TSC2: variants seen among roughly 807,000 people sequenced by gnomAD.
TSC2 encodes tuberin.
A neutral mutation model predicts 202.2 loss-of-function variants in TSC2; 29 were observed. The ratio of observed to expected loss-of-function variants is 0.14; its 90% CI spans 0.11 to 0.20. The LOEUF (loss-of-function observed/expected upper bound fraction) is 0.20. Among genes scored for constraint, TSC2 ranks in the 10% least tolerant of loss-of-function variants. The probability of loss-of-function intolerance (pLI) is 1.00; values close to 1 mark genes in which losing one functional copy is unlikely to be tolerated. For synonymous variants in TSC2, 1,349 were observed against 1,044.0 expected, an observed-to-expected ratio of 1.29 and a Z score of -5.63; for missense variants, 2,429 against 2,420.0, an observed-to-expected ratio of 1.00 and a Z score of -0.08.
intron 9 of TSC2, among the ~76,000 whole-genome samples, chr16:2,058,320 C>G (rs1395310369): frequency 6.6e-6 from 1 of 152,242 alleles, no homozygotes; most frequent in African/African-American, 2.4e-5. Flanking sequence ...TGCCGAGTTA[C>G]TCTGTTTACT....
chr16:2,088,734 C>T lies in TSC2; in HGVS notation c.*124C>T. ...TGCAGTCAGACAGCTCTTTTATTGA[C>T]TTTGTCTGCTTGGTGCGGGGGTTGG... On this transcript the variant is annotated 3_prime_UTR_variant, in exon 42 of 42. Transcript: ENST00000219476. 2.2e-6 allele frequency: 3 copies of T among 1,334,972 alleles called. No individual in the cohort carries two copies. Among genetic ancestry groups the T allele is most frequent in the Non-Finnish European group, 1.0e-6 (1 of 980,746 alleles). The allele number at this position is 1,334,972 out of a possible 1,614,324, so 82.7% of individuals were successfully genotyped here.
intron 25 of TSC2, chr16:2,077,378 C>A (rs1316436645): frequency 4.6e-6 from 3 of 653,962 alleles, no homozygotes; most frequent in Admixed American, 2.4e-5. Context: ...TACTTGTTCT[C>A]AGTCATGTTT....
intron 3 of TSC2, among the ~76,000 whole-genome samples, chr16:2,052,037 C>A (rs1326906509): frequency 1.3e-5 from 2 of 152,120 alleles, no homozygotes; most frequent in African/African-American, 4.8e-5. Flanking sequence ...TGCACTGCAG[C>A]CTGGGCAACA....
chr16:2,048,956 A>G (rs1210466051), intron 2 of TSC2, among the ~76,000 whole-genome samples: 1 of 152,170 alleles, frequency 6.6e-6, no homozygotes, highest in Non-Finnish European at 1.5e-5. Context: ...GGCACACTTG[A>G]GTTACTATTC....
At chr16:2,062,055 A>T (rs1229163568) in intron 12 of TSC2, 47 bp downstream of exon 12, 4 of 1,612,226 alleles carry the variant, frequency 2.5e-6, no homozygotes, top group Non-Finnish European at 3.4e-6. Context: ...GCTGGTGGGG[A>T]GGGGCCGGGT....
Position 2,076,147 on chromosome 16 carries a change from G to T in TSC2, c.2719G>T (p.Asp907Tyr), listed in dbSNP as rs1287273870. The change falls in exon 24 of 42, where the codon GAT (aspartate) becomes TAT (tyrosine). Residue 907 changes from aspartate to tyrosine, a missense_variant. Transcript: ENST00000219476. ...FIRCRLPFRKDFVPFITKGLR... is the reference protein window; with the variant it reads ...FIRCRLPFRKYFVPFITKGLR... ...CAGGTGCCGCCTGCCCTTCCGGAAGGATTTTGTCCCTTTCATCACTAAGGT... is the reference window on the plus strand; with the variant it reads ...CAGGTGCCGCCTGCCCTTCCGGAAGTATTTTGTCCCTTTCATCACTAAGGT... 6.2e-7 allele frequency: 1 copy of T among 1,613,672 alleles called. No homozygotes were observed. Among genetic ancestry groups the T allele is most frequent in the African/African-American group, 1.3e-5 (1 of 74,898 alleles).
chr16:2,086,864 C>A lies in TSC2; in HGVS notation c.4982C>A (p.Thr1661Asn), dbSNP rs776541842. The A allele has an allele frequency of 6.3e-7, 1 of 1,590,642 alleles. No individual in the cohort carries two copies. ...TCCGGTGAGGACTTCAAGCTTGGCA[C>A]CATCAAGGTGAGTGAGGGGCCGTCA... Reference protein sequence around the residue: ...NDSGEDFKLGTIKGQFNFVHV... With the variant: ...NDSGEDFKLGNIKGQFNFVHV... The change falls in exon 38 of 42, where the codon ACC becomes AAC. Residue 1661 changes from threonine to asparagine, a missense_variant. By Grantham distance (65) the Thr-to-Asn change is moderately conservative. Coordinates refer to ENST00000219476, the MANE Select transcript of TSC2 (RefSeq NM_000548.5).
chr16:2,048,318 C>T (rs1325085747), intron 1 of TSC2: 2 of 987,300 alleles, frequency 2.0e-6, no homozygotes, highest in Non-Finnish European at 3.2e-6. Flanking sequence ...GACTTCGCGG[C>T]GGCAGTCCTA....
Position 2,072,038 on chromosome 16 carries a change from C to T in TSC2, c.2097+104C>T, listed in dbSNP as rs575153327. On this transcript the variant is annotated intron_variant, in intron 19 of 41. Coordinates refer to ENST00000219476, the MANE Select transcript of TSC2 (RefSeq NM_000548.5). ...CCCTCCCTGTCTGGCCTGTGGAGGG[C>T]AGCCCTCCCTCAGAGCTGAGCCTTC... 365 of 1,480,070 alleles carry T rather than the reference C, an allele frequency of 2.5e-4. 1 individual carries two copies. Among genetic ancestry groups the T allele is most frequent in the Middle Eastern group, 1.9e-3 (8 of 4,130 alleles). The allele number at this position is 1,480,070 out of a possible 1,614,324, so 91.7% of individuals were successfully genotyped here.
At chr16:2,072,178 C>G (rs928008191) in intron 19 of TSC2, 63 bp from the exon 20 acceptor site, 2 of 1,609,866 alleles carry the variant, frequency 1.2e-6, no homozygotes, top group African/African-American at 1.3e-5. Flanking sequence ...GCCTCAGATG[C>G]TAGCTTCCGC....
At chr16:2,064,501 C>G in intron 15 of TSC2, 74 bp downstream of exon 15, 1 of 1,604,444 alleles carries the variant, frequency 6.2e-7, no homozygotes, top group Non-Finnish European at 8.5e-7. Context: ...TCTGGGCCCT[C>G]TGTCCTCCTC....
chr16:2,086,000 C>G (rs923685612), intron 36 of TSC2, among the ~76,000 whole-genome samples, 193 bp from the exon 37 acceptor site: 4 of 152,158 alleles, frequency 2.6e-5, no homozygotes, highest in Admixed American at 1.3e-4. Flanking sequence ...CAGGCACACA[C>G]GGGGCTGAGG....
intron 2 of TSC2, among the ~76,000 whole-genome samples, chr16:2,049,375 C>T (rs1172510946): frequency 3.9e-5 from 6 of 151,940 alleles, no homozygotes; most frequent in Non-Finnish European, 7.4e-5. Flanking sequence ...CATGAGCCAT[C>T]GCACATGGGC....
intron 8 of TSC2, 83 bp from the exon 9 acceptor site, chr16:2,057,022 C>T (rs2085935943): frequency 1.3e-6 from 2 of 1,521,908 alleles, no homozygotes; most frequent in Non-Finnish European, 1.8e-6. Context: ...TATAGGGCAG[C>T]AGCCAGGCGG....
chr16:2,086,579 C>A (rs1237042535), intron 37 of TSC2, among the ~76,000 whole-genome samples, 153 bp from the exon 38 acceptor site: 1 of 152,212 alleles, frequency 6.6e-6, no homozygotes, highest in Non-Finnish European at 1.5e-5. Context: ...AGCCCTGCCC[C>A]TGGGGAGAGC....
intron 30 of TSC2, chr16:2,080,678 G>GT (rs2090026022): frequency 5.1e-6 from 2 of 389,480 alleles, no homozygotes; most frequent in South Asian, 2.4e-5. Flanking sequence ...TAGAGATGGG[G>GT]TTTCACTGTG....
At position 2,062,515 on chromosome 16, in the gene TSC2, C is replaced by G. The variant is rs45478593; in HGVS notation, c.1276C>G (p.Leu426Val). The change falls in exon 13 of 42, where the codon CTG becomes GTG. Residue 426 changes from leucine (L) to valine (V), a missense_variant. Coordinates refer to ENST00000219476, the MANE Select transcript of TSC2 (RefSeq NM_000548.5). ...TTGACAGGAGTCCTCCCTCCTGAAC[C>G]TGATCTCCTATAGAGCGCAGTCCAT... ...DQRPESSLLN[L>V]ISYRAQSIHP... 5.0e-6 allele frequency: 8 copies of G among 1,611,666 alleles called. No individual in the cohort carries two copies. The South Asian group carries it at 8.9e-5, about 18-fold the overall frequency.
intron 20 of TSC2, 174 bp downstream of exon 20, chr16:2,072,537 C>T: frequency 9.7e-7 from 1 of 1,035,962 alleles, no homozygotes. Flanking sequence ...GGGACCCCTG[C>T]CCCAGCTCGC....
At position 2,086,150 on chromosome 16, in the gene TSC2, G is replaced by A. The variant is rs45517359; in HGVS notation, c.4663-43G>A. 1.7e-5 allele frequency: 28 copies of A among 1,608,974 alleles called. No individual in the cohort carries two copies. Among genetic ancestry groups the A allele is most frequent in the South Asian group, 5.5e-5 (5 of 90,966 alleles). On this transcript the variant is annotated intron_variant, in intron 36 of 41. Transcript: ENST00000219476. ...CCCCACCCTCTGCGGGGCAGGGCCC[G>A]GCCCGGGAGTGATGCCACCCTGCCT...
Sources: gnomAD v4.1 joint callset for allele counts (sites outside exome capture counted in the v4.1 genomes callset) on GRCh38, gnomAD v4.1.1 for gene constraint, MANE v1.5 for transcripts, NCBI Gene and HGNC (gene_info 2026-07-23, HGNC 2026-07-21) for gene names.